GPC5: variants seen among roughly 807,000 people sequenced by gnomAD.
GPC5 encodes the protein glypican-5.
GPC5 carries 47 observed loss-of-function variants against 53.9 expected under a neutral mutation model. The ratio of observed to expected loss-of-function variants is 0.87; its 90% CI spans 0.69 to 1.11. GPC5 has a LOEUF of 1.11. GPC5 is among the 50% of genes most tolerant of loss of function. The pLI is 0.00. For synonymous variants in GPC5, 286 were observed against 263.3 expected (o/e 1.09, Z -0.84); for missense variants, 748 against 713.1 (o/e 1.05, Z -0.56).
intron 6 of GPC5, among the ~76,000 whole-genome samples, chr13:92,035,086 G>T (rs2040881893): frequency 6.6e-6 from 1 of 151,998 alleles, no homozygotes; most frequent in African/African-American, 2.4e-5. Flanking sequence ...GTGATGGCAG[G>T]CGCCTGTTGT....
intron 2 of GPC5, among the ~76,000 whole-genome samples, chr13:91,549,038 A>T (rs1385043756): frequency 6.6e-6 from 1 of 152,176 alleles, no homozygotes; most frequent in African/African-American, 2.4e-5. Flanking sequence ...TGGGAGGCCA[A>T]GGTGGTCGGA....
intron 7 of GPC5, among the ~76,000 whole-genome samples, chr13:92,820,573 G>T (rs558093022): frequency 6.6e-6 from 1 of 152,016 alleles, no homozygotes; most frequent in East Asian, 1.9e-4. Flanking sequence ...AACTCACAAC[G>T]CCTTCGTTAT....
At chr13:92,513,588 T>A (rs1880659691) in intron 7 of GPC5, among the ~76,000 whole-genome samples, 1 of 151,848 alleles carries the variant, frequency 6.6e-6, no homozygotes, top group South Asian at 2.1e-4. Flanking sequence ...TTCTTTCCTT[T>A]CCTTTCGACT....
chr13:91,790,357 T>A (rs1192735634), intron 5 of GPC5, among the ~76,000 whole-genome samples: 5 of 152,240 alleles, frequency 3.3e-5, no homozygotes, highest in Non-Finnish European at 7.3e-5. Flanking sequence ...GTATTTTAGA[T>A]GTAAGTTAGT....
At chr13:92,093,285 A>C (rs2041395353) in intron 6 of GPC5, among the ~76,000 whole-genome samples, 1 of 152,156 alleles carries the variant, frequency 6.6e-6, no homozygotes, top group African/African-American at 2.4e-5. Flanking sequence ...CAAGTTTATC[A>C]GTTAAGTCGG....
rs1884424096 is a variant in GPC5, at chr13:92,611,206, G to C, written c.1562-255076G>C. 2.0e-5 allele frequency among the ~76,000 whole-genome samples: 3 copies of C among 152,094 alleles called. No individual in the cohort carries two copies. The South Asian group carries it at 6.2e-4, about 31-fold the overall frequency. ...ATAAACCAGGTATATTTAAAATATAGTTATAACCAATGAATAGAATGTAAC... is the reference window on the plus strand; with the variant it reads ...ATAAACCAGGTATATTTAAAATATACTTATAACCAATGAATAGAATGTAAC... On this transcript the variant is annotated intron_variant, in intron 7 of 7. Transcript: ENST00000377067.
intron 2 of GPC5, among the ~76,000 whole-genome samples, chr13:91,671,977 A>G (rs2035260765): frequency 6.6e-6 from 1 of 151,532 alleles, no homozygotes; most frequent in South Asian, 2.1e-4. Flanking sequence ...AACCTGACAA[A>G]AACAAGCAAT....
chr13:92,097,529 T>A (rs1043026811), intron 6 of GPC5, among the ~76,000 whole-genome samples: 12 of 152,224 alleles, frequency 7.9e-5, no homozygotes, highest in African/African-American at 2.7e-4. Flanking sequence ...AGGGATTAAG[T>A]GTGTTACTCA....
chr13:91,723,949 C>T (rs1052011451), intron 3 of GPC5, among the ~76,000 whole-genome samples: 7 of 152,320 alleles, frequency 4.6e-5, no homozygotes, highest in South Asian at 2.1e-4. Flanking sequence ...AAACTAAAAT[C>T]GTGGACTTTC....
chr13:92,588,204 C>T (rs1329548011), intron 7 of GPC5, among the ~76,000 whole-genome samples: 3 of 152,142 alleles, frequency 2.0e-5, no homozygotes, highest in Non-Finnish European at 4.4e-5. Context: ...TGTTAGTTTA[C>T]TAAGGATGAT....
chr13:91,797,603 A>G (rs762255037), intron 5 of GPC5, among the ~76,000 whole-genome samples: 3 of 152,204 alleles, frequency 2.0e-5, no homozygotes, highest in Non-Finnish European at 2.9e-5. Context: ...TCTAATTTAG[A>G]TATTAGAAAG....
At chr13:91,666,177 T>A (rs566045255) in intron 2 of GPC5, among the ~76,000 whole-genome samples, 20 of 152,328 alleles carry the variant, frequency 1.3e-4, no homozygotes, top group African/African-American at 4.6e-4. Flanking sequence ...TCTTGGGACA[T>A]GCATAACATT....
At chr13:92,279,356 T>C (rs530568478) in intron 7 of GPC5, among the ~76,000 whole-genome samples, 4 of 152,206 alleles carry the variant, frequency 2.6e-5, no homozygotes, top group African/African-American at 9.6e-5. Context: ...ATTAAGTTTT[T>C]TATATTCATC....
intron 5 of GPC5, among the ~76,000 whole-genome samples, chr13:91,889,618 C>T (rs1279172291): frequency 6.6e-6 from 1 of 152,080 alleles, no homozygotes; most frequent in Non-Finnish European, 1.5e-5. Context: ...ATTCATATAA[C>T]ATTTATAAGG....
At chr13:91,654,255 A>G (rs1363308707) in intron 2 of GPC5, among the ~76,000 whole-genome samples, 1 of 152,202 alleles carries the variant, frequency 6.6e-6, no homozygotes, top group Non-Finnish European at 1.5e-5. Context: ...AATTGCACAT[A>G]GATCCAGAAA....
intron 6 of GPC5, among the ~76,000 whole-genome samples, chr13:92,018,009 T>C (rs1460633407): frequency 1.3e-5 from 2 of 150,146 alleles, no homozygotes; most frequent in Non-Finnish European, 3.0e-5. Flanking sequence ...AGTACACACA[T>C]ACACATGCAC....
At chr13:92,718,893 C>T (rs979890715) in intron 7 of GPC5, among the ~76,000 whole-genome samples, 1 of 109,354 alleles carries the variant, frequency 9.1e-6, no homozygotes, top group African/African-American at 3.2e-5. Flanking sequence ...TCCGTCCCCC[C>T]ACAAAAAAAA....
chr13:91,617,990 A>C (rs7996565), intron 2 of GPC5, among the ~76,000 whole-genome samples: 1 of 151,842 alleles, frequency 6.6e-6, no homozygotes, highest in Non-Finnish European at 1.5e-5. Context: ...TCCTTCTTCT[A>C]TTTTTGCTCC....
At chr13:91,513,080 G>A (rs1341982474) in intron 2 of GPC5, among the ~76,000 whole-genome samples, 1 of 152,192 alleles carries the variant, frequency 6.6e-6, no homozygotes, top group Non-Finnish European at 1.5e-5. Context: ...AGGTAAACGT[G>A]TGCCATGGTG....
Sources: allele counts gnomAD v4.1 joint callset (sites outside exome capture counted in the v4.1 genomes callset), GRCh38; gene constraint gnomAD v4.1.1; transcripts MANE v1.5; gene names NCBI Gene and HGNC (gene_info 2026-07-23, HGNC 2026-07-21).